Variants in RIMS1 observed in about 807,000 individuals in gnomAD.
RIMS1 encodes regulating synaptic membrane exocytosis 1.
In RIMS1, 83 loss-of-function variants were observed where a neutral mutation model predicts 214.1. The ratio of observed to expected loss-of-function variants is 0.39; its 90% CI spans 0.32 to 0.47. The LOEUF (loss-of-function observed/expected upper bound fraction) is 0.47. Ranked by LOEUF, RIMS1 falls within the 20% of genes least tolerant of loss-of-function variation. The probability of loss-of-function intolerance (pLI) is 0.99; values close to 1 mark genes in which losing one functional copy is unlikely to be tolerated. For missense variants in RIMS1, 2,050 were observed against 2,161.8 expected, an observed-to-expected ratio of 0.95 and a Z score of 1.03; for synonymous variants, 793 against 786.8, an observed-to-expected ratio of 1.01 and a Z score of -0.13.
chr6:72,160,517 G>A (rs2045221366), intron 4 of RIMS1, among the ~76,000 whole-genome samples: 1 of 139,270 alleles, frequency 7.2e-6, no homozygotes, highest in Admixed American at 7.4e-5. Flanking sequence ...ATTGGCTGTG[G>A]GTTTGTCATA....
rs181628556 is a variant in RIMS1 at position 72,336,409 on chromosome 6, G to T, written c.4366+2574G>T. ...TGTTTTATCTCAGTTATGGTCAGAT[G>T]TTGACTTCAAATAACATCTTCCTTC... is the stretch of plus-strand genomic sequence containing the variant. On this transcript the variant is annotated intron_variant, in intron 29 of 33. Transcript: ENST00000521978. 1.5e-4 allele frequency among the ~76,000 whole-genome samples: 23 copies of T among 151,922 alleles called. No individual in the cohort carries two copies. In the East Asian group the frequency reaches 4.3e-3, roughly 28 times the overall value.
At chr6:72,155,522 A>C (rs1223343317) in intron 4 of RIMS1, among the ~76,000 whole-genome samples, 1 of 140,700 alleles carries the variant, frequency 7.1e-6, no homozygotes, top group African/African-American at 2.5e-5. Flanking sequence ...AAACATACCC[A>C]AGACTGGGCA....
intron 3 of RIMS1, among the ~76,000 whole-genome samples, chr6:72,099,290 G>A (rs1310889081): frequency 6.6e-6 from 1 of 152,198 alleles, no homozygotes; most frequent in Admixed American, 6.5e-5. Context: ...CACGCCTAGT[G>A]TAGTTCATCT....
chr6:72,304,592 A>G (rs1270680996), intron 26 of RIMS1, among the ~76,000 whole-genome samples: 1 of 151,856 alleles, frequency 6.6e-6, no homozygotes, highest in Non-Finnish European at 1.5e-5. Flanking sequence ...TTTATTCTAG[A>G]TATATAGTTG....
At chr6:72,316,578 G>A (rs2095810382) in intron 28 of RIMS1, 2 of 407,360 alleles carry the variant, frequency 4.9e-6, no homozygotes, top group Admixed American at 3.5e-5. Flanking sequence ...GGGAGGAGGA[G>A]CCCCTGCCTT....
intron 16 of RIMS1, among the ~76,000 whole-genome samples, chr6:72,256,859 T>G (rs1328492181): frequency 6.6e-6 from 1 of 152,006 alleles, no homozygotes; most frequent in African/African-American, 2.4e-5. Context: ...GATATTTTGA[T>G]AAGAAAAAAT....
chr6:72,019,447 CAT>C (rs1175501278), intron 2 of RIMS1, among the ~76,000 whole-genome samples: 5 of 152,182 alleles, frequency 3.3e-5, no homozygotes, highest in Non-Finnish European at 7.3e-5. Flanking sequence ...TTATGAATAA[CAT>C]GTGACAATCT....
chr6:72,073,460 T>C (rs9342920), intron 2 of RIMS1, among the ~76,000 whole-genome samples: 80,085 of 152,022 alleles, frequency 0.53, 22,050 homozygotes, highest in Non-Finnish European at 0.61. Flanking sequence ...ATTCAAAATG[T>C]GAGCCAAAAA....
chr6:72,234,296 T>A (rs560564296), intron 7 of RIMS1, among the ~76,000 whole-genome samples: 1 of 152,130 alleles, frequency 6.6e-6, no homozygotes, highest in Non-Finnish European at 1.5e-5. Flanking sequence ...CTGAAATAAT[T>A]TCCTCTAGAG....
At chr6:72,338,849 A>AAG (rs59731805) in intron 29 of RIMS1, among the ~76,000 whole-genome samples, 12,587 of 138,600 alleles carry the variant, frequency 0.091, 551 homozygotes, top group Admixed American at 0.16. Context: ...CCAACTTGTG[A>AAG]AGAGAGAGAG....
At chr6:72,157,554 C>T (rs1359812730) in intron 4 of RIMS1, among the ~76,000 whole-genome samples, 4 of 140,320 alleles carry the variant, frequency 2.9e-5, no homozygotes, top group African/African-American at 9.8e-5. Context: ...TTTACTGCAT[C>T]AAGTCTACTT....
intron 26 of RIMS1, among the ~76,000 whole-genome samples, chr6:72,296,172 G>A (rs1373544625): frequency 5.9e-5 from 9 of 151,366 alleles, no homozygotes; most frequent in Non-Finnish European, 1.0e-4. Context: ...TAAAATTAAT[G>A]TTTTTTAAAA....
chr6:72,070,266 C>T (rs1830284305), intron 2 of RIMS1, among the ~76,000 whole-genome samples: 1 of 152,006 alleles, frequency 6.6e-6, no homozygotes, highest in Admixed American at 6.5e-5. Context: ...AATGGAAAAT[C>T]ATGAATTATT....
chr6:72,098,207 T>C (rs541646928), intron 3 of RIMS1, among the ~76,000 whole-genome samples: 20 of 152,352 alleles, frequency 1.3e-4, no homozygotes, highest in African/African-American at 4.1e-4. Context: ...CATTATATTC[T>C]TTAGTAGTCT....
At chr6:72,190,851 G>A (rs148726804) in intron 6 of RIMS1, among the ~76,000 whole-genome samples, 77 of 152,282 alleles carry the variant, frequency 5.1e-4, no homozygotes, top group Admixed American at 8.5e-4. Context: ...TTCAGGTTGC[G>A]TGGTGACTTG....
intron 29 of RIMS1, among the ~76,000 whole-genome samples, chr6:72,384,168 C>A (rs935637707): frequency 5.9e-5 from 9 of 152,110 alleles, no homozygotes; most frequent in African/African-American, 2.2e-4. Context: ...ATGTGTTTTT[C>A]CCTGTTCATC....
At chr6:72,175,492 G>A (rs1474995831) in intron 4 of RIMS1, 2 of 199,732 alleles carry the variant, frequency 1.0e-5, no homozygotes, top group South Asian at 7.2e-5. Context: ...GCCCAACATG[G>A]TGAAACACCG....
At chr6:71,986,097 T>C (rs926423998) in intron 2 of RIMS1, among the ~76,000 whole-genome samples, 5 of 152,186 alleles carry the variant, frequency 3.3e-5, no homozygotes, top group Admixed American at 1.3e-4. Flanking sequence ...TCTTATTCAA[T>C]ACTTGGGCAT....
chr6:72,004,712 G>A (rs1238476705), intron 2 of RIMS1, among the ~76,000 whole-genome samples: 2 of 151,754 alleles, frequency 1.3e-5, no homozygotes, highest in South Asian at 2.1e-4. Context: ...CTTTTTGATG[G>A]GGTTGTTTGT....
Sources: allele counts gnomAD v4.1 joint callset (sites outside exome capture counted in the v4.1 genomes callset), GRCh38; gene constraint gnomAD v4.1.1; transcripts MANE v1.5; gene names NCBI Gene and HGNC (gene_info 2026-07-23, HGNC 2026-07-21).